Variants in KMT5B observed in about 807,000 individuals in gnomAD.
KMT5B encodes histone-lysine N-methyltransferase KMT5B.
In KMT5B, 10 loss-of-function variants were observed where a neutral mutation model predicts 83.2. The ratio of observed to expected loss-of-function variants is 0.12; its 90% CI spans 0.07 to 0.20. KMT5B has a LOEUF of 0.20. Among genes scored for constraint, KMT5B ranks in the 10% least tolerant of loss-of-function variants. The pLI is 1.00. For missense variants in KMT5B, 753 were observed against 1,067.2 expected (o/e 0.71, Z 4.10); for synonymous variants, 349 against 388.8 (o/e 0.90, Z 1.20).
rs1177449297 is a variant in KMT5B, at chr11:68,171,859, A to G, written c.654-150T>C. The G allele has an allele frequency of 4.7e-6, 3 of 644,752 alleles. No individual in the cohort carries two copies. The South Asian group carries it at 6.2e-5, about 13-fold the overall frequency. The allele number at this position is 644,752 out of a possible 1,614,324, so 39.9% of individuals were successfully genotyped here. ...AGCTCACTGGGATCCCCACCTGGCT[A>G]TCTTCTCTCCTACCCTGGAGCTCCA... On this transcript the variant is annotated intron_variant, in intron 6 of 10. Transcript: ENST00000304363. The surrounding 1 kb of genome is among the most constrained non-coding windows in gnomAD (Gnocchi z 5.1).
chr11:68,166,816 T>C (rs954349365), intron 10 of KMT5B, 166 bp downstream of exon 10: 6 of 1,442,362 alleles, frequency 4.2e-6, no homozygotes, highest in Admixed American at 5.5e-5. Context: ...GGATACAGAC[T>C]GTGCCTCTAC....
intron 2 of KMT5B, among the ~76,000 whole-genome samples, chr11:68,187,513 T>G (rs1857551290): frequency 6.6e-6 from 1 of 152,254 alleles, no homozygotes; most frequent in Admixed American, 6.5e-5. Flanking sequence ...TCCTTGTTAA[T>G]TTCTAATTTT....
Position 68,184,245 on chromosome 11 carries a change from G to A in KMT5B, c.308+1536C>T, listed in dbSNP as rs144179705. 1.9e-3 allele frequency among the ~76,000 whole-genome samples: 289 copies of A among 152,030 alleles called. 11 individuals are homozygous for A. In the East Asian group the frequency reaches 0.051, roughly 27 times the overall value. ...AAATTAGCTGGGTGCAGTGGTGCAC[G>A]CCTGTAATCCCAGCTACTTGGGAAA... On this transcript the variant is annotated intron_variant, in intron 3 of 10. Transcript: ENST00000304363.
intron 1 of KMT5B, among the ~76,000 whole-genome samples, chr11:68,200,554 C>T (rs925655249): frequency 1.9e-4 from 29 of 151,474 alleles, no homozygotes; most frequent in African/African-American, 6.6e-4. Flanking sequence ...ATATCAGGAA[C>T]GAGAGAGAGA....
chr11:68,209,867 C>CTTT (rs368207944), intron 1 of KMT5B, among the ~76,000 whole-genome samples: 2 of 141,392 alleles, frequency 1.4e-5, no homozygotes, highest in African/African-American at 5.5e-5. Flanking sequence ...TTCTTTCCCC[C>CTTT]TTTTTTTTTT....
Position 68,185,885 on chromosome 11 carries a change from T to A in KMT5B, c.204A>T (p.Pro68=). The change falls in exon 3 of 11, where the codon CCA becomes CCT. Residue 68 remains proline, a synonymous_variant. Transcript: ENST00000304363. ...GTTCCTTGGCGGACATTCCAGAGGA[T>A]GGTACATAGCGACTCTGTCCTTCAA... is the stretch of plus-strand genomic sequence containing the variant. ...SGFEGQSRYV[P]SSGMSAKELC... 1 of 1,614,118 alleles carries A rather than the reference T, an allele frequency of 6.2e-7. No individual in the cohort carries two copies.
In KMT5B at chr11:68,208,035, C is replaced by T. The variant is rs188011748; in HGVS notation, c.-77+5103G>A. The stretch of plus-strand genomic sequence containing the variant: ...TGTATTTTCAGTAGAGACAGCGTTT[C>T]ACCATGTTGGCCAGGATGGTCTTGA... On this transcript the variant is annotated intron_variant, in intron 1 of 10. Coordinates refer to ENST00000304363, the MANE Select transcript of KMT5B (RefSeq NM_017635.5). 2.5e-4 allele frequency among the ~76,000 whole-genome samples: 38 copies of T among 149,280 alleles called. 1 individual carries two copies. The highest frequency in any genetic ancestry group is 8.6e-4 in the African/African-American group (35 of 40,888).
chr11:68,174,111 G>A (rs1356164823), intron 5 of KMT5B, 198 bp from the exon 6 acceptor site: 1 of 630,574 alleles, frequency 1.6e-6, no homozygotes, highest in African/African-American at 1.8e-5. Context: ...TACGTGGGAG[G>A]CTGAGAGGAA....
At chr11:68,194,526 G>A (rs568686364) in intron 1 of KMT5B, among the ~76,000 whole-genome samples, 1 of 152,224 alleles carries the variant, frequency 6.6e-6, no homozygotes, top group East Asian at 1.9e-4. Flanking sequence ...CTATCACAAT[G>A]CATTGAAGAT....
chr11:68,183,035 C>T (rs1857096243), intron 3 of KMT5B, among the ~76,000 whole-genome samples: 1 of 152,086 alleles, frequency 6.6e-6, no homozygotes, highest in East Asian at 1.9e-4. Flanking sequence ...CGCACCTGGC[C>T]CATTGTAATT....
intron 1 of KMT5B, among the ~76,000 whole-genome samples, chr11:68,205,562 A>T (rs1046450305): frequency 2.0e-5 from 3 of 152,192 alleles, no homozygotes; most frequent in East Asian, 3.8e-4. Flanking sequence ...CTCATTGAGC[A>T]AAACATTTTA....
chr11:68,206,745 A>G (rs1565264674), intron 1 of KMT5B, among the ~76,000 whole-genome samples: 1 of 152,218 alleles, frequency 6.6e-6, no homozygotes. Context: ...CATTCTTCAC[A>G]AAACTTTAAT....
chr11:68,187,000 CTT>C (rs879872944), intron 2 of KMT5B, among the ~76,000 whole-genome samples: 5 of 145,968 alleles, frequency 3.4e-5, no homozygotes, highest in Non-Finnish European at 4.5e-5. Flanking sequence ...ACACAACTCA[CTT>C]TTTTTTTTTT....
intron 1 of KMT5B, among the ~76,000 whole-genome samples, chr11:68,205,516 T>A (rs966910539): frequency 5.9e-5 from 9 of 152,298 alleles, no homozygotes; most frequent in African/African-American, 1.9e-4. Context: ...CTATTTATAT[T>A]AAAACTTACA....
intron 3 of KMT5B, among the ~76,000 whole-genome samples, chr11:68,181,031 T>A (rs1020598592): frequency 1.3e-5 from 2 of 152,076 alleles, no homozygotes; most frequent in Non-Finnish European, 2.9e-5. Context: ...ACATAGCCAG[T>A]TTTGAAAATT....
chr11:68,160,451 G>A (rs548010392), intron 10 of KMT5B, among the ~76,000 whole-genome samples: 3 of 152,224 alleles, frequency 2.0e-5, no homozygotes, highest in Admixed American at 6.5e-5. Flanking sequence ...GAGAAGCCAC[G>A]ATAACAAAAC....
chr11:68,177,587 A>AT (rs757780614), intron 4 of KMT5B, among the ~76,000 whole-genome samples: 53 of 150,200 alleles, frequency 3.5e-4, no homozygotes, highest in African/African-American at 9.8e-4. Context: ...CACTCTAGTC[A>AT]TTTTTTTTTT....
intron 2 of KMT5B, among the ~76,000 whole-genome samples, chr11:68,189,216 C>T (rs1351645850): frequency 2.0e-5 from 3 of 152,220 alleles, no homozygotes; most frequent in East Asian, 1.9e-4. Flanking sequence ...TTTAACATGA[C>T]ATACGTTTGG....
At chr11:68,180,690 G>A (rs1848202787) in intron 3 of KMT5B, among the ~76,000 whole-genome samples, 1 of 152,164 alleles carries the variant, frequency 6.6e-6, no homozygotes, top group South Asian at 2.1e-4. Context: ...TCAGCTCACT[G>A]CTGGCCTGAG....
Sources: allele counts gnomAD v4.1 joint callset (sites outside exome capture counted in the v4.1 genomes callset), GRCh38; gene constraint gnomAD v4.1.1; non-coding constraint Gnocchi (gnomAD v3.1); transcripts MANE v1.5; gene names NCBI Gene and HGNC (gene_info 2026-07-23, HGNC 2026-07-21).